ANKRD11: variants seen among roughly 807,000 people sequenced by gnomAD.
ANKRD11 encodes ankyrin repeat domain 11.
Under a neutral mutation model 195.7 loss-of-function variants are expected in ANKRD11, and 17 were observed. That is an observed-to-expected ratio of 0.09 (90% CI 0.06 to 0.13). The LOEUF (loss-of-function observed/expected upper bound fraction) is 0.13, where lower values mean the gene tolerates loss of function less well. ANKRD11 is among the 10% of genes least tolerant of loss of function. The pLI is 1.00. For missense variants in ANKRD11, 3,735 were observed against 3,566.1 expected, an observed-to-expected ratio of 1.05 and a Z score of -1.21; for synonymous variants, 1,953 against 1,528.1, an observed-to-expected ratio of 1.28 and a Z score of -6.49.
chr16:89,430,210 G>C (rs1459234714), intron 1 of ANKRD11, among the ~76,000 whole-genome samples: 1 of 101,304 alleles, frequency 9.9e-6, no homozygotes, highest in African/African-American at 4.2e-5. Context: ...AGACGTTCTA[G>C]TACACAGCAG....
At chr16:89,273,525 C>T (rs905365670) in intron 11 of ANKRD11, among the ~76,000 whole-genome samples, 5 of 151,994 alleles carry the variant, frequency 3.3e-5, no homozygotes, top group Admixed American at 6.6e-5. Flanking sequence ...GGTGACACCC[C>T]GTCTCCACTA....
In ANKRD11 at chr16:89,317,514, T is replaced by C. The variant is rs963714002; in HGVS notation, c.-59-436A>G. ...CCCAGCCCTCAGGTCTGGCAGGTCA[T>C]GTCCACAGCCCCAGCCTCACGCCCC... On this transcript the variant is annotated intron_variant, in intron 2 of 12. Transcript: ENST00000301030. Among the ~76,000 whole-genome samples, 6 of 152,126 alleles carry C rather than the reference T, an allele frequency of 3.9e-5. No individual in the cohort carries two copies. In the East Asian group the frequency reaches 7.7e-4, roughly 20 times the overall value.
intron 1 of ANKRD11, among the ~76,000 whole-genome samples, chr16:89,447,777 T>C (rs2043865004): frequency 6.6e-6 from 1 of 151,578 alleles, no homozygotes; most frequent in Non-Finnish European, 1.5e-5. Flanking sequence ...ATTTATCTAA[T>C]ATTTTCCTAA....
chr16:89,467,831 C>T (rs1283234037), intron 1 of ANKRD11, among the ~76,000 whole-genome samples: 1 of 152,006 alleles, frequency 6.6e-6, no homozygotes, highest in African/African-American at 2.4e-5. Context: ...GACAATGTCT[C>T]GCTCTGTTGC....
chr16:89,371,159 G>T (rs545961535), intron 2 of ANKRD11, among the ~76,000 whole-genome samples: 1 of 152,264 alleles, frequency 6.6e-6, no homozygotes, highest in South Asian at 2.1e-4. Flanking sequence ...GCACGTAAGT[G>T]GCTGGTCCCA....
rs751369171 is a variant in ANKRD11 at position 89,281,926 on chromosome 16, T to C, written c.4616A>G (p.Glu1539Gly). 1 of 1,613,284 alleles carries C rather than the reference T, an allele frequency of 6.2e-7. No homozygotes were observed. Among genetic ancestry groups the C allele is most frequent in the Non-Finnish European group, 8.5e-7 (1 of 1,180,034 alleles). ...KLKEKFKDGA[E>G]KEKGDPVKMS... Reference sequence around the variant, plus strand: ...CTTCACTGGGTCGCCCTTTTCTTTCTCTGCACCGTCCTTGAATTTCTCCTT... The same window carrying C: ...CTTCACTGGGTCGCCCTTTTCTTTCCCTGCACCGTCCTTGAATTTCTCCTT... Residue 1539 changes from glutamate (E) to glycine (G), a missense_variant, in exon 9 of 13, where the codon GAG (glutamate) becomes GGG (glycine). Transcript: ENST00000301030. This position sits in a 1 kb window ranked among gnomAD's most constrained non-coding sequence, Gnocchi z 5.5.
At chr16:89,463,790 G>A (rs2056785523) in intron 1 of ANKRD11, among the ~76,000 whole-genome samples, 2 of 138,176 alleles carry the variant, frequency 1.4e-5, no homozygotes, top group South Asian at 4.8e-4. Context: ...AATTCCCTAC[G>A]TTACCACACA....
rs139546058 is a variant in ANKRD11 at position 89,423,798 on chromosome 16, C to A, written c.-144-5430G>T. 3.3e-3 allele frequency among the ~76,000 whole-genome samples: 502 copies of A among 152,322 alleles called. 2 individuals are homozygous for A. The highest frequency in any genetic ancestry group is 0.012 in the African/African-American group (487 of 41,572). ...GTTTTCCAGGCATGATAAATCTACGCAATGGCAGCCAGCCTGCGGATGTAA... is the reference window on the plus strand; with the variant it reads ...GTTTTCCAGGCATGATAAATCTACGAAATGGCAGCCAGCCTGCGGATGTAA... On this transcript the variant is annotated intron_variant, in intron 1 of 12. Coordinates refer to ENST00000301030, the MANE Select transcript of ANKRD11 (RefSeq NM_013275.6).
rs1190241154 is a variant in ANKRD11 at position 89,330,663 on chromosome 16, GGGGGGGGGGGGGC to G, written c.-59-13598_-59-13586del. ...GTTTCCCCAGTACAGTGACTGGGGG[GGGGGGGGGGGGGC>G]GGGGGCGGAGGAAGCTGCAGCATCT... On this transcript the variant is annotated intron_variant, in intron 2 of 12. Coordinates refer to ENST00000301030, the MANE Select transcript of ANKRD11 (RefSeq NM_013275.6). Among the ~76,000 whole-genome samples the G allele has an allele frequency of 2.5e-3, 102 of 41,450 alleles. 12 individuals are homozygous for G. The highest frequency in any genetic ancestry group is 4.9e-3 in the Middle Eastern group (1 of 204). The allele number at this position is 41,450 out of a possible 152,430, so 27.2% of individuals were successfully genotyped here. A position where few individuals can be genotyped will look rare whatever the true frequency, so the allele number is the denominator to read the frequency against.
intron 1 of ANKRD11, among the ~76,000 whole-genome samples, chr16:89,455,150 T>C (rs1261868710): frequency 7.9e-6 from 1 of 126,292 alleles, no homozygotes; most frequent in East Asian, 2.7e-4. Flanking sequence ...TGGGTGCTGT[T>C]AGGGTTCCTC....
chr16:89,460,644 G>C (rs933140292), intron 1 of ANKRD11, among the ~76,000 whole-genome samples: 6 of 152,174 alleles, frequency 3.9e-5, no homozygotes, highest in Non-Finnish European at 7.3e-5. Flanking sequence ...GGTTGAAGCA[G>C]GCGGGTTGTT....
At chr16:89,392,653 C>T (rs1248212216) in intron 2 of ANKRD11, 2 of 150,684 alleles carry the variant, frequency 1.3e-5, no homozygotes, top group Non-Finnish European at 2.9e-5. Context: ...ATCAACTCAG[C>T]ATCTGTAATG....
rs12103154 is a variant in ANKRD11 at position 89,429,858 on chromosome 16, A to G, written c.-144-11490T>C. Among the ~76,000 whole-genome samples the G allele has an allele frequency of 1.4e-3, 65 of 45,658 alleles. 3 individuals carry two copies. Among genetic ancestry groups the G allele is most frequent in the African/African-American group, 4.8e-3 (50 of 10,474 alleles). The allele number at this position is 45,658 out of a possible 152,430, so 30.0% of individuals were successfully genotyped here. On this transcript the variant is annotated intron_variant, in intron 1 of 12. Coordinates refer to ENST00000301030, the MANE Select transcript of ANKRD11 (RefSeq NM_013275.6). ...TACACAGCAGGGACTCTCAACTCTC[A>G]CGCTCAGACGTTCTAGTACACAGCA... is the stretch of plus-strand genomic sequence containing the variant.
At chr16:89,440,371 G>A (rs558211677) in intron 1 of ANKRD11, among the ~76,000 whole-genome samples, 2 of 152,328 alleles carry the variant, frequency 1.3e-5, no homozygotes, top group East Asian at 3.9e-4. Flanking sequence ...ACTCTGGAAG[G>A]CTGAGGGGGG....
Position 89,288,569 on chromosome 16 carries a change from C to T in ANKRD11, c.703G>A (p.Asp235Asn). The change falls in exon 7 of 13, where the codon GAC becomes AAC. Residue 235 changes from aspartate to asparagine, a missense_variant. Coordinates refer to ENST00000301030, the MANE Select transcript of ANKRD11 (RefSeq NM_013275.6). ...TTGGCAGCGTCGTGCAAAGGCGTGT[C>T]GTCATCTAGGCCCTTGGTGTTCACC... Reference protein sequence around the residue: ...AEVNTKGLDDDTPLHDAANNG... With the variant: ...AEVNTKGLDDNTPLHDAANNG... The T allele has an allele frequency of 6.2e-7, 1 of 1,614,142 alleles. No homozygotes were observed. Among genetic ancestry groups the T allele is most frequent in the Non-Finnish European group, 8.5e-7 (1 of 1,180,038 alleles).
In ANKRD11 at chr16:89,291,670, C is replaced by G. The variant is rs1336886547; in HGVS notation, c.227-487G>C. The G allele has an allele frequency of 7.8e-7, 1 of 1,290,204 alleles. No individual in the cohort carries two copies. The highest frequency in any genetic ancestry group is 1.5e-5 in the African/African-American group (1 of 66,010). 79.9% of individuals were successfully genotyped at this position (1,290,204 alleles called of 1,614,324 possible). ...CATCAGTAAATCAAGGCCAACTGGT[C>G]AGTACTGTACCTTTCTTCTTGCTTC... On this transcript the variant is annotated intron_variant, in intron 4 of 12. Transcript: ENST00000301030. This position sits in a 1 kb window ranked among gnomAD's most constrained non-coding sequence, Gnocchi z 5.3.
chr16:89,387,134 G>A (rs1394427141), intron 2 of ANKRD11, among the ~76,000 whole-genome samples: 2 of 152,090 alleles, frequency 1.3e-5, no homozygotes, highest in Non-Finnish European at 2.9e-5. Context: ...GGTGGGAGAG[G>A]TAGGTCACAC....
At chr16:89,479,185 C>T (rs941662310) in intron 1 of ANKRD11, among the ~76,000 whole-genome samples, 1 of 152,040 alleles carries the variant, frequency 6.6e-6, no homozygotes, top group Non-Finnish European at 1.5e-5. Context: ...TGACAGTTAA[C>T]TGACGTCAAG....
chr16:89,391,663 G>C (rs1383239168), intron 2 of ANKRD11, among the ~76,000 whole-genome samples: 2 of 152,172 alleles, frequency 1.3e-5, no homozygotes, highest in African/African-American at 4.8e-5. Context: ...ACTCAGTAAT[G>C]ATTTTAATAC....
Sources: allele counts gnomAD v4.1 joint callset (sites outside exome capture counted in the v4.1 genomes callset), GRCh38; gene constraint gnomAD v4.1.1; non-coding constraint Gnocchi (gnomAD v3.1); transcripts MANE v1.5; gene names NCBI Gene and HGNC (gene_info 2026-07-23, HGNC 2026-07-21).